DMD: variants seen among roughly 807,000 people sequenced by gnomAD.
The protein encoded by DMD is mutant dystrophin.
In DMD, 63 loss-of-function variants were observed where a neutral mutation model predicts 330.1. The observed-to-expected ratio is 0.19, with a 90% CI of 0.16 to 0.24. DMD has a LOEUF of 0.24. Ranked by LOEUF, DMD falls within the 10% of genes least tolerant of loss-of-function variation. DMD has a pLI of 1.00. For missense variants in DMD, 3,344 were observed against 2,684.1 expected, an observed-to-expected ratio of 1.25 and a Z score of -5.43; for synonymous variants, 1,223 against 959.8, an observed-to-expected ratio of 1.27 and a Z score of -5.07.
chrX:31,755,765 T>C (rs1177905519), intron 51 of DMD, among the ~76,000 whole-genome samples: 1 of 111,971 alleles, frequency 8.9e-6, no homozygotes, highest in Non-Finnish European at 1.9e-5. Flanking sequence ...TTATAAAGCA[T>C]GGTTTTATAA....
At chrX:32,605,752 T>C (rs1438773743) in intron 12 of DMD, among the ~76,000 whole-genome samples, 1 of 107,689 alleles carries the variant, frequency 9.3e-6, no homozygotes, top group African/African-American at 3.3e-5. Flanking sequence ...CAGACATTTT[T>C]TAAAAGAAGA....
chrX:32,403,624 A>C (rs1427453827), intron 30 of DMD, among the ~76,000 whole-genome samples: 1 of 111,766 alleles, frequency 8.9e-6, no homozygotes, highest in Admixed American at 9.5e-5. Flanking sequence ...TTCCCACACT[A>C]TTAAACATAT....
intron 43 of DMD, among the ~76,000 whole-genome samples, chrX:32,231,597 C>CT (rs1375216484): frequency 8.9e-6 from 1 of 111,944 alleles, no homozygotes. Context: ...AAACAATTCA[C>CT]TTTTTACTTA....
intron 7 of DMD, among the ~76,000 whole-genome samples, chrX:32,735,688 G>A: frequency 8.9e-6 from 1 of 111,849 alleles, no homozygotes; most frequent in Middle Eastern, 4.7e-3. Flanking sequence ...TTTAATAAAT[G>A]GTGCTAGGAA....
chrX:31,616,102 T>C (rs2078184611), intron 55 of DMD, among the ~76,000 whole-genome samples: 1 of 111,232 alleles, frequency 9.0e-6, no homozygotes, highest in Admixed American at 9.6e-5. Flanking sequence ...AATCACGATT[T>C]AAACTCAGGC....
In DMD at chrX:32,955,609, G is replaced by A. The variant is rs372902937; in HGVS notation, c.93+64530C>T. 6.3e-5 allele frequency among the ~76,000 whole-genome samples: 7 copies of A among 111,626 alleles called. No homozygotes were observed. In the East Asian group the frequency reaches 1.4e-3, roughly 22 times the overall value. On this transcript the variant is annotated intron_variant, in intron 2 of 78. Transcript: ENST00000357033. ...TTGGCATCTTTGTCATGAAACCTTT[G>A]TCTGTTCCTATGTCCTAAATGGTAT...
chrX:33,244,383 A>C (rs1380986814), intron 1 of DMD, among the ~76,000 whole-genome samples: 1 of 112,103 alleles, frequency 8.9e-6, no homozygotes, highest in Admixed American at 9.5e-5. Context: ...TGATTACGAT[A>C]AAATCTGAAA....
chrX:32,300,932 T>C (rs1461333520), intron 42 of DMD, among the ~76,000 whole-genome samples: 1 of 111,080 alleles, frequency 9.0e-6, no homozygotes. Context: ...TATGCAATCA[T>C]GAGCATCTTA....
At chrX:33,097,377 C>G (rs2095179895) in intron 1 of DMD, among the ~76,000 whole-genome samples, 1 of 110,308 alleles carries the variant, frequency 9.1e-6, no homozygotes, top group Non-Finnish European at 1.9e-5. Flanking sequence ...TACCAAACAT[C>G]TACAAGTTTA....
chrX:31,946,597 G>A (rs1471863114), intron 45 of DMD, among the ~76,000 whole-genome samples: 1 of 111,586 alleles, frequency 9.0e-6, no homozygotes, highest in African/African-American at 3.3e-5. Flanking sequence ...ACTTAGCTAA[G>A]CATCCGTTTT....
intron 37 of DMD, among the ~76,000 whole-genome samples, chrX:32,350,851 T>G (rs1216812867): frequency 1.8e-5 from 2 of 110,944 alleles, no homozygotes; most frequent in Non-Finnish European, 3.8e-5. Flanking sequence ...ATATAGACCT[T>G]TTTTTGCAGG....
At chrX:31,337,201 G>A (rs1325498509) in intron 61 of DMD, among the ~76,000 whole-genome samples, 1 of 110,585 alleles carries the variant, frequency 9.0e-6, no homozygotes, top group Non-Finnish European at 1.9e-5. Context: ...GGGATTATAG[G>A]TGTGAGCCAC....
chrX:31,439,490 A>C (rs1438182318), intron 60 of DMD, among the ~76,000 whole-genome samples: 2 of 83,773 alleles, frequency 2.4e-5, no homozygotes, highest in East Asian at 8.6e-4. Context: ...ACTTTGGAAG[A>C]AGCTTAGGAA....
intron 60 of DMD, among the ~76,000 whole-genome samples, chrX:31,413,467 G>T (rs7877088): frequency 0.015 from 1,729 of 112,027 alleles, 29 homozygotes; most frequent in African/African-American, 0.054. Flanking sequence ...CTTTCAGTGT[G>T]TTGACTCCCA....
chrX:32,684,990 T>C (rs1034586452), intron 9 of DMD, among the ~76,000 whole-genome samples: 11 of 111,988 alleles, frequency 9.8e-5, no homozygotes, highest in Non-Finnish European at 1.5e-4. Context: ...ATTCCTTTAT[T>C]GACTCCATAA....
Position 32,302,841 on chromosome X carries a change from T to C in DMD, c.6117+7241A>G, listed in dbSNP as rs759823108. On this transcript the variant is annotated intron_variant, in intron 42 of 78. Coordinates refer to ENST00000357033, the MANE Select transcript of DMD (RefSeq NM_004006.3). ...ACAGTTGAGTAGGCAGGGGCAGTTATTATCACTGATTTAATTTCAACGTTA... is the reference window on the plus strand; with the variant it reads ...ACAGTTGAGTAGGCAGGGGCAGTTACTATCACTGATTTAATTTCAACGTTA... Among the ~76,000 whole-genome samples the C allele has an allele frequency of 1.3e-4, 15 of 111,155 alleles. No homozygotes were observed. In the South Asian group the frequency reaches 5.6e-3, roughly 41 times the overall value.
chrX:31,313,641 T>C (rs961043072), intron 62 of DMD, among the ~76,000 whole-genome samples: 12 of 110,588 alleles, frequency 1.1e-4, no homozygotes, highest in African/African-American at 3.6e-4. Context: ...GTGCACCTTG[T>C]ACCCATTAAG....
chrX:32,755,671 CA>C (rs1330150571), intron 7 of DMD, among the ~76,000 whole-genome samples: 1 of 111,976 alleles, frequency 8.9e-6, no homozygotes, highest in African/African-American at 3.2e-5. Context: ...AGTTAAATAG[CA>C]ATAAAAATAT....
At chrX:32,831,665 T>G (rs1321857556) in intron 4 of DMD, among the ~76,000 whole-genome samples, 22 of 36,799 alleles carry the variant, frequency 6.0e-4, no homozygotes, top group African/African-American at 1.6e-3. Flanking sequence ...TGTGTGTGTG[T>G]GTGTGTGTGT....
Sources: allele counts gnomAD v4.1 joint callset (sites outside exome capture counted in the v4.1 genomes callset), GRCh38; gene constraint gnomAD v4.1.1; transcripts MANE v1.5; gene names NCBI Gene and HGNC (gene_info 2026-07-23, HGNC 2026-07-21).